MTFR2: variants seen among roughly 807,000 people sequenced by gnomAD.
MTFR2 encodes the protein mitochondrial fission regulator 2.
Under a neutral mutation model 41.2 loss-of-function variants are expected in MTFR2, and 44 were observed. That is an observed-to-expected ratio of 1.07 (90% CI 0.84 to 1.37). The LOEUF is 1.37. Ranked by LOEUF, MTFR2 falls within the 40% of genes most tolerant of loss-of-function variation. MTFR2 has a pLI of 0.00. For missense variants in MTFR2, 452 were observed against 459.5 expected (o/e 0.98, Z 0.15); for synonymous variants, 141 against 154.6 (o/e 0.91, Z 0.65).
intron 5 of MTFR2, among the ~76,000 whole-genome samples, chr6:136,241,072 C>A (rs1372054094): frequency 2.2e-5 from 3 of 136,382 alleles, no homozygotes; most frequent in Admixed American, 8.0e-5. Context: ...GCCTGGGCGA[C>A]AGAGCAAGAC....
At chr6:136,233,684 GA>G (rs1278747105) in intron 6 of MTFR2, among the ~76,000 whole-genome samples, 185 bp from the exon 7 acceptor site, 1 of 152,104 alleles carries the variant, frequency 6.6e-6, no homozygotes, top group Non-Finnish European at 1.5e-5. Context: ...TGAAGAATCA[GA>G]AAACCAAGAA....
At chr6:136,237,815 A>T (rs980563193) in intron 6 of MTFR2, among the ~76,000 whole-genome samples, 8 of 125,044 alleles carry the variant, frequency 6.4e-5, no homozygotes, top group African/African-American at 3.5e-4. Context: ...GACTCCATCT[A>T]AAAAAAAAAA....
chr6:136,246,553 G>A (rs770416623), intron 2 of MTFR2, among the ~76,000 whole-genome samples: 8 of 151,908 alleles, frequency 5.3e-5, no homozygotes, highest in Non-Finnish European at 7.4e-5. Context: ...ACAGTGTTGG[G>A]ATTACAGGGG....
chr6:136,242,385 G>A (rs1562212143), intron 4 of MTFR2, among the ~76,000 whole-genome samples: 1 of 152,134 alleles, frequency 6.6e-6, no homozygotes, highest in Admixed American at 6.5e-5. Context: ...GATTATGTTA[G>A]GGTGAAATGT....
At position 136,233,505 on chromosome 6, in the gene MTFR2, T is replaced by G. The variant is rs1237661814; in HGVS notation, c.870-6A>C. On this transcript the variant is annotated splice_polypyrimidine_tract_variant and splice_region_variant and intron_variant, in intron 6 of 7. Transcript: ENST00000420702. ...TGGGTCTACCGCCAGGTGACCTATT[T>G]TTTAAAAAAAAAAATTGAATTTATT... The G allele has an allele frequency of 1.4e-6, 2 of 1,471,720 alleles. No individual in the cohort carries two copies. Among genetic ancestry groups the G allele is most frequent in the African/African-American group, 1.4e-5 (1 of 70,756 alleles). The allele number at this position is 1,471,720 out of a possible 1,614,324, so 91.2% of individuals were successfully genotyped here.
chr6:136,239,648 T>A lies in MTFR2; in HGVS notation c.687A>T (p.Val229=), dbSNP rs564791862. 1 of 1,613,850 alleles carries A rather than the reference T, an allele frequency of 6.2e-7. No homozygotes were observed. The highest frequency in any genetic ancestry group is 8.5e-7 in the Non-Finnish European group (1 of 1,180,012). ...SSLQPPCFPP[V]QPGSNNICDS... is the part of the protein sequence containing the mutation. Reference sequence around the variant, plus strand: ...CACAAATATTATTAGATCCTGGTTGTACGGGAGGAAAACACGGTGGCTGGA... The same window carrying A: ...CACAAATATTATTAGATCCTGGTTGAACGGGAGGAAAACACGGTGGCTGGA... The change falls in exon 6 of 8, where the codon GTA becomes GTT. Residue 229 remains valine, a synonymous_variant. Coordinates refer to ENST00000420702, the MANE Select transcript of MTFR2 (RefSeq NM_001099286.3).
chr6:136,248,786 A>G, intron 2 of MTFR2: 1 of 451,652 alleles, frequency 2.2e-6, no homozygotes, highest in Non-Finnish European at 3.9e-6. Context: ...AATTCTGTGA[A>G]GCTCATGTCT....
Position 136,250,285 on chromosome 6 carries a change from C to A in MTFR2, c.-364G>T, listed in dbSNP as rs1475532812. The A allele has an allele frequency of 6.6e-6, 1 of 152,510 alleles. No homozygotes were observed. Among genetic ancestry groups the A allele is most frequent in the African/African-American group, 2.4e-5 (1 of 41,444 alleles). 9.4% of individuals were successfully genotyped at this position (152,510 alleles called of 1,614,324 possible). On this transcript the variant is annotated 5_prime_UTR_variant, in exon 1 of 8. Transcript: ENST00000420702. ...CCACCTGCTAGTCCCTAGGACCGGACTGCTACTTCCGCATGACAGGACTGC... is the reference window on the plus strand; with the variant it reads ...CCACCTGCTAGTCCCTAGGACCGGAATGCTACTTCCGCATGACAGGACTGC...
intron 2 of MTFR2, among the ~76,000 whole-genome samples, chr6:136,248,443 A>G (rs187471644): frequency 6.6e-6 from 1 of 152,284 alleles, no homozygotes; most frequent in Non-Finnish European, 1.5e-5. Flanking sequence ...ATGAGATGTG[A>G]TGGTTTTATA....
In MTFR2 at chr6:136,249,150, G is replaced by A. The variant is rs762591365; in HGVS notation, c.-51C>T. ...TCAAAGGAACATTATCAGTTTCTTG[G>A]TGCCTTTGGGGAAAATTTTAGAAAA... On this transcript the variant is annotated 5_prime_UTR_variant, in exon 2 of 8. Coordinates refer to ENST00000420702, the MANE Select transcript of MTFR2 (RefSeq NM_001099286.3). The A allele has an allele frequency of 2.2e-5, 32 of 1,476,390 alleles. No homozygotes were observed. Among genetic ancestry groups the A allele is most frequent in the Non-Finnish European group, 2.8e-5 (31 of 1,099,382 alleles). 91.5% of individuals were successfully genotyped at this position (1,476,390 alleles called of 1,614,324 possible). A position where few individuals can be genotyped will look rare whatever the true frequency, so the allele number is the denominator to read the frequency against.
chr6:136,240,573 C>T (rs534778299), intron 5 of MTFR2, among the ~76,000 whole-genome samples: 4 of 152,222 alleles, frequency 2.6e-5, no homozygotes, highest in South Asian at 2.1e-4. Context: ...ATTTTATACA[C>T]GCATACATAC....
At chr6:136,239,865 T>C in intron 5 of MTFR2, 45 bp from the exon 6 acceptor site, 1 of 1,437,200 alleles carries the variant, frequency 7.0e-7, no homozygotes, top group Non-Finnish European at 9.4e-7. Context: ...CAATTATCTC[T>C]AACGTAATAT....
At chr6:136,232,348 G>A (rs534120106) in intron 7 of MTFR2, among the ~76,000 whole-genome samples, 3 of 151,970 alleles carry the variant, frequency 2.0e-5, no homozygotes, top group African/African-American at 4.8e-5. Context: ...TCCACCTCCC[G>A]GGTTCAACCA....
chr6:136,233,291 A>G, intron 7 of MTFR2, 34 bp downstream of exon 7: 1 of 1,587,188 alleles, frequency 6.3e-7, no homozygotes, highest in South Asian at 1.1e-5. Flanking sequence ...TCTGAGAAAA[A>G]CTGAAAAATT....
At chr6:136,244,937 A>G in intron 2 of MTFR2, 68 bp from the exon 3 acceptor site, 1 of 1,226,122 alleles carries the variant, frequency 8.2e-7, no homozygotes, top group Non-Finnish European at 1.1e-6. Context: ...GTATGAAAAA[A>G]GGAGATGTAA....
At chr6:136,234,759 G>A (rs73558527) in intron 6 of MTFR2, among the ~76,000 whole-genome samples, 2,309 of 152,320 alleles carry the variant, frequency 0.015, 70 homozygotes, top group African/African-American at 0.053. Flanking sequence ...AGGCTGCTGC[G>A]GAAGTCTAAG....
chr6:136,240,828 A>G lies in MTFR2; in HGVS notation c.514+616T>C, dbSNP rs551119035. On this transcript the variant is annotated intron_variant, in intron 5 of 7. Coordinates refer to ENST00000420702, the MANE Select transcript of MTFR2 (RefSeq NM_001099286.3). ...TACTGAGGGCCGGGCGCGGTGGCTC[A>G]CGCCTGTAATCCCAGCACTTTGGGA... Among the ~76,000 whole-genome samples, 266 of 148,248 alleles carry G rather than the reference A, an allele frequency of 1.8e-3. 2 individuals carry two copies. Among genetic ancestry groups the G allele is most frequent in the South Asian group, 8.9e-3 (43 of 4,828 alleles).
At chr6:136,238,179 A>T (rs890241911) in intron 6 of MTFR2, among the ~76,000 whole-genome samples, 1 of 152,288 alleles carries the variant, frequency 6.6e-6, no homozygotes, top group African/African-American at 2.4e-5. Flanking sequence ...AAGACATGGA[A>T]GCAAACTAAA....
intron 2 of MTFR2, chr6:136,248,758 T>A (rs1780285149): frequency 2.5e-6 from 1 of 399,850 alleles, no homozygotes; most frequent in Non-Finnish European, 4.4e-6. Flanking sequence ...AGTTTTAATG[T>A]ATCTGTGCAA....
Sources: allele counts gnomAD v4.1 joint callset (sites outside exome capture counted in the v4.1 genomes callset), GRCh38; gene constraint gnomAD v4.1.1; transcripts MANE v1.5; gene names NCBI Gene and HGNC (gene_info 2026-07-23, HGNC 2026-07-21).